The following ANTXR1 variants were observed in gnomAD, a reference collection of about 807,000 sequenced individuals.
The protein encoded by ANTXR1 is ANTXR cell adhesion molecule 1.
Under a neutral mutation model 78.1 loss-of-function variants are expected in ANTXR1, and 19 were observed. The ratio of observed to expected loss-of-function variants is 0.24; its 90% CI spans 0.17 to 0.36. The LOEUF is 0.36. Ranked by LOEUF, ANTXR1 falls within the 10% of genes least tolerant of loss-of-function variation. The probability of loss-of-function intolerance (pLI) is 1.00; values close to 1 mark genes in which losing one functional copy is unlikely to be tolerated. For missense variants in ANTXR1, 518 were observed against 718.6 expected (o/e 0.72, Z 3.19); for synonymous variants, 273 against 260.5 (o/e 1.05, Z -0.46).
At chr2:69,238,771 T>C (rs1675830867) in intron 17 of ANTXR1, among the ~76,000 whole-genome samples, 1 of 152,254 alleles carries the variant, frequency 6.6e-6, no homozygotes, top group Non-Finnish European at 1.5e-5. Context: ...ATGTATGTTA[T>C]ACTTTTACGA....
chr2:69,169,428 C>CG (rs1385592897), intron 13 of ANTXR1, among the ~76,000 whole-genome samples: 3 of 152,172 alleles, frequency 2.0e-5, no homozygotes, highest in African/African-American at 7.2e-5. Context: ...ATCCATTTAA[C>CG]GGTGAGGGCT....
intron 12 of ANTXR1, among the ~76,000 whole-genome samples, chr2:69,138,920 A>C (rs1672993609): frequency 6.6e-6 from 1 of 152,200 alleles, no homozygotes; most frequent in African/African-American, 2.4e-5. Context: ...AGAATACTTT[A>C]TAGGTATCTA....
intron 10 of ANTXR1, among the ~76,000 whole-genome samples, chr2:69,116,654 A>G (rs1431772880): frequency 2.6e-5 from 4 of 152,044 alleles, no homozygotes; most frequent in Non-Finnish European, 5.9e-5. Context: ...TTTTCCCACT[A>G]CCTAATGTGA....
At chr2:69,157,262 G>A (rs548377521) in intron 13 of ANTXR1, among the ~76,000 whole-genome samples, 100 of 151,918 alleles carry the variant, frequency 6.6e-4, no homozygotes, top group African/African-American at 2.3e-3. Flanking sequence ...TCCCTCATGG[G>A]CTCTCTTTCC....
Position 69,158,658 on chromosome 2 carries a change from T to C in ANTXR1, c.1047+6394T>C, listed in dbSNP as rs114041793. ...ATTCTGTTTTTCACTTTCAGTATAG[T>C]ATTCAATAAATTACATGAGATAGTC... is the stretch of plus-strand genomic sequence containing the variant. On this transcript the variant is annotated intron_variant, in intron 13 of 17. Transcript: ENST00000303714. Among the ~76,000 whole-genome samples the C allele has an allele frequency of 7.3e-3, 1,118 of 152,356 alleles. 18 individuals are homozygous for C. Among genetic ancestry groups the C allele is most frequent in the African/African-American group, 0.026 (1,061 of 41,580 alleles).
rs780069517 is a variant in ANTXR1 at position 69,145,325 on chromosome 2, G to C, written c.952-6844G>C. 6.3e-6 allele frequency: 10 copies of C among 1,591,924 alleles called. 1 individual carries two copies. The highest frequency in any genetic ancestry group is 8.6e-6 in the Non-Finnish European group (10 of 1,168,538). ...GTATTTTTATGTTCTCTTTCTTAAA[G>C]AGCCTCCACAAAATTGCATCAGGCC... is the stretch of plus-strand genomic sequence containing the variant. On this transcript the variant is annotated intron_variant, in intron 12 of 17. Coordinates refer to ENST00000303714, the MANE Select transcript of ANTXR1 (RefSeq NM_032208.3).
chr2:69,152,701 A>C (rs115504390), intron 13 of ANTXR1, among the ~76,000 whole-genome samples: 140 of 152,332 alleles, frequency 9.2e-4, no homozygotes, highest in African/African-American at 3.2e-3. Flanking sequence ...CTATCTGAGA[A>C]AGTGTCTCTG....
chr2:69,039,953 A>G, intron 1 of ANTXR1, 91 bp from the exon 2 acceptor site: 1 of 1,098,172 alleles, frequency 9.1e-7, no homozygotes, highest in Non-Finnish European at 1.4e-6. Flanking sequence ...TGGAGAGGTC[A>G]AATGTAAAAT....
At chr2:69,112,042 C>T (rs1672001418) in intron 10 of ANTXR1, among the ~76,000 whole-genome samples, 1 of 152,134 alleles carries the variant, frequency 6.6e-6, no homozygotes, top group Non-Finnish European at 1.5e-5. Context: ...GATTTTATAT[C>T]ATGTGAAGGT....
Position 69,013,884 on chromosome 2 carries a change from ACTT to A in ANTXR1, c.152+237_152+239del, listed in dbSNP as rs1670945330. On this transcript the variant is annotated intron_variant, in intron 1 of 17. Coordinates refer to ENST00000303714, the MANE Select transcript of ANTXR1 (RefSeq NM_032208.3). This position sits in a 1 kb window ranked among gnomAD's most constrained non-coding sequence, Gnocchi z 5.0. ...ACGCCGCTTGCTCGGAAGGGGACAG[ACTT>A]CTTTTCTGTCTTGCTTTCTGTGTCC... is the stretch of plus-strand genomic sequence containing the variant. Among the ~76,000 whole-genome samples, 1 of 152,108 alleles carries A rather than the reference ACTT, an allele frequency of 6.6e-6. No homozygotes were observed. The highest frequency in any genetic ancestry group is 1.5e-5 in the Non-Finnish European group (1 of 68,020).
intron 12 of ANTXR1, among the ~76,000 whole-genome samples, chr2:69,134,214 T>G (rs748064486): frequency 6.6e-6 from 1 of 152,168 alleles, no homozygotes; most frequent in Non-Finnish European, 1.5e-5. Flanking sequence ...ACTGAGTGTA[T>G]GAGAAATACT....
intron 17 of ANTXR1, among the ~76,000 whole-genome samples, chr2:69,240,821 C>A (rs2104531776): frequency 6.6e-6 from 1 of 150,468 alleles, no homozygotes; most frequent in East Asian, 1.9e-4. Context: ...AGTTTTTTTT[C>A]TGTACAATGA....
At chr2:69,209,124 A>G (rs1372901322) in intron 17 of ANTXR1, among the ~76,000 whole-genome samples, 1 of 152,190 alleles carries the variant, frequency 6.6e-6, no homozygotes, top group Non-Finnish European at 1.5e-5. Flanking sequence ...CAACATCATC[A>G]CAGAGAAGAA....
Position 69,245,212 on chromosome 2 carries a change from A to G in ANTXR1, c.1435-13A>G, listed in dbSNP as rs757149184. On this transcript the variant is annotated splice_polypyrimidine_tract_variant and intron_variant, in intron 17 of 17. Coordinates refer to ENST00000303714, the MANE Select transcript of ANTXR1 (RefSeq NM_032208.3). ...CGTCCGCTCACGTTTCCTTCTCTCCAATTCTTTTCTAGGGGCGCTGCATCA... is the reference window on the plus strand; with the variant it reads ...CGTCCGCTCACGTTTCCTTCTCTCCGATTCTTTTCTAGGGGCGCTGCATCA... The G allele has an allele frequency of 2.5e-6, 4 of 1,613,782 alleles. No homozygotes were observed. The highest frequency in any genetic ancestry group is 2.2e-5 in the South Asian group (2 of 91,054).
At chr2:69,097,468 C>T (rs1671466152) in intron 9 of ANTXR1, among the ~76,000 whole-genome samples, 1 of 152,236 alleles carries the variant, frequency 6.6e-6, no homozygotes, top group African/African-American at 2.4e-5. Context: ...TTAAAACAGA[C>T]ACATTCAAGC....
intron 12 of ANTXR1, among the ~76,000 whole-genome samples, chr2:69,137,455 G>C (rs145537026): frequency 3.3e-4 from 51 of 152,252 alleles, no homozygotes; most frequent in African/African-American, 1.0e-3. Context: ...CTGGGTTATT[G>C]AGGCTATTCC....
intron 3 of ANTXR1, among the ~76,000 whole-genome samples, chr2:69,058,550 C>A (rs1486776433): frequency 4.0e-5 from 6 of 151,866 alleles, no homozygotes; most frequent in Non-Finnish European, 8.8e-5. Context: ...AAAAATCATT[C>A]TTTTCAAAAT....
intron 17 of ANTXR1, among the ~76,000 whole-genome samples, chr2:69,199,314 T>G (rs570789102): frequency 6.6e-6 from 1 of 152,284 alleles, no homozygotes; most frequent in East Asian, 1.9e-4. Context: ...GATTACACTT[T>G]GAAAACCAGT....
At chr2:69,096,166 G>A (rs1395986056) in intron 9 of ANTXR1, among the ~76,000 whole-genome samples, 1 of 151,626 alleles carries the variant, frequency 6.6e-6, no homozygotes, top group East Asian at 1.9e-4. Context: ...GCTGAGGCAG[G>A]AGAATGGCAT....
Sources: gnomAD v4.1 joint callset for allele counts (sites outside exome capture counted in the v4.1 genomes callset) on GRCh38, gnomAD v4.1.1 for gene constraint, Gnocchi (gnomAD v3.1) non-coding constraint, MANE v1.5 for transcripts, NCBI Gene and HGNC (gene_info 2026-07-23, HGNC 2026-07-21) for gene names.